The following CACTIN variants were observed in gnomAD, a reference collection of about 807,000 sequenced individuals.
The protein encoded by CACTIN is splicing factor Cactin.
A neutral mutation model predicts 84.9 loss-of-function variants in CACTIN; 20 were observed. The ratio of observed to expected loss-of-function variants is 0.24; its 90% confidence interval spans 0.17 to 0.34. The LOEUF (loss-of-function observed/expected upper bound fraction) is 0.34, where lower values mean the gene tolerates loss of function less well. CACTIN is among the 10% of genes least tolerant of loss of function. CACTIN has a pLI of 1.00. For missense variants in CACTIN, 897 were observed against 1,117.2 expected, an observed-to-expected ratio of 0.80 and a Z score of 2.81; for synonymous variants, 549 against 467.9, an observed-to-expected ratio of 1.17 and a Z score of -2.24.
rs2033169696 is a variant in CACTIN at position 3,619,181 on chromosome 19, T to A, written c.946A>T (p.Ser316Cys). The A allele has an allele frequency of 6.2e-7, 1 of 1,613,378 alleles. No homozygotes were observed. The highest frequency in any genetic ancestry group is 8.5e-7 in the Non-Finnish European group (1 of 1,179,722). The part of the protein sequence containing the change: ...KPIDLLAKYI[S>C]AEDDDLAVEM... Reference sequence around the variant, plus strand: ...ACGGCCAGATCGTCATCCTCAGCGCTGATGTACTTGGCCAGCAGGTCGATG... The same window carrying A: ...ACGGCCAGATCGTCATCCTCAGCGCAGATGTACTTGGCCAGCAGGTCGATG... Residue 316 changes from serine to cysteine, a missense_variant, in exon 5 of 10, where the codon AGC (serine) becomes TGC (cysteine). Physicochemically the swap from Ser to Cys is moderately radical, Grantham distance 112. This residue lies in a region of CACTIN where 304 missense variants were observed against 444.3 expected (regional missense o/e 0.68). Transcript: ENST00000429344.
rs1233194491 is a variant in CACTIN at position 3,626,655 on chromosome 19, G to T, written c.108C>A (p.Asn36Lys). 3 of 1,534,360 alleles carry T rather than the reference G, an allele frequency of 2.0e-6. No homozygotes were observed. In the South Asian group the frequency reaches 3.6e-5, roughly 19 times the overall value. Residue 36 changes from asparagine (N) to lysine (K), a missense_variant, in exon 1 of 10, where the codon AAC (asparagine) becomes AAA (lysine). Coordinates refer to ENST00000429344, the MANE Select transcript of CACTIN (RefSeq NM_001080543.2). ...GTCCCTCGTCCTCCCGGCGCCGTCG[G>T]TTTCGCCGCCCATGGCTCCTGCTCC... ...RSRSRSHGRR[N>K]RRRREDEGRR... is the part of the protein sequence containing the mutation.
chr19:3,612,942 G>T, intron 9 of CACTIN, 116 bp downstream of exon 9: 1 of 1,249,848 alleles, frequency 8.0e-7, no homozygotes, highest in Non-Finnish European at 1.1e-6. Flanking sequence ...CGGGGGAGAA[G>T]CAGCAAGCAG....
Position 3,612,428 on chromosome 19 carries a change from G to A in CACTIN, c.1787-15C>T. The A allele has an allele frequency of 1.3e-6, 2 of 1,567,898 alleles. No homozygotes were observed. Among genetic ancestry groups the A allele is most frequent in the Non-Finnish European group, 1.7e-6 (2 of 1,162,410 alleles). ...GCTGGCGTCTCCTGCGGGCGGGACG[G>A]CGTTCACCCGGGCCTCGGCCTCCCC... On this transcript the variant is annotated splice_polypyrimidine_tract_variant and intron_variant, in intron 9 of 9. Transcript: ENST00000429344.
rs773189592 is a variant in CACTIN, at chr19:3,620,758, C to T, written c.687G>A (p.Leu229=). 14 of 1,613,472 alleles carry T rather than the reference C, an allele frequency of 8.7e-6. No homozygotes were observed. In the East Asian group the frequency reaches 2.9e-4, roughly 33 times the overall value. The stretch of plus-strand genomic sequence containing the variant: ...CCTGGATCCTCTTGTTCCGCTCCTT[C>T]AGCTCCTTCTCCTCCAGGTGGCTGA... The part of the protein sequence containing the change: ...KGISHLEEKE[L]KERNKRIQED... Residue 229 remains leucine (L), a synonymous_variant, in exon 3 of 10, where the codon CTG becomes CTA. Coordinates refer to ENST00000429344, the MANE Select transcript of CACTIN (RefSeq NM_001080543.2).
chr19:3,622,406 A>AG (rs963902898), intron 2 of CACTIN, among the ~76,000 whole-genome samples: 7 of 148,658 alleles, frequency 4.7e-5, no homozygotes, highest in African/African-American at 1.7e-4. Context: ...TTGCAGACGT[A>AG]GGTAAGATGA....
At position 3,620,398 on chromosome 19, in the gene CACTIN, T is replaced by C. The variant is rs1022963207; in HGVS notation, c.739-126A>G. The C allele has an allele frequency of 1.4e-5, 16 of 1,112,406 alleles. No homozygotes were observed. The African/African-American group carries it at 2.5e-4, about 17-fold the overall frequency. The allele number at this position is 1,112,406 out of a possible 1,614,324, so 68.9% of individuals were successfully genotyped here. A position where few individuals can be genotyped will look rare whatever the true frequency, so the allele number is the denominator to read the frequency against. On this transcript the variant is annotated intron_variant, in intron 3 of 9. Transcript: ENST00000429344. ...CTGGGCACAGGGATTGGTCCGGAGATGCCTGGGCTGGTGGACAGACCTTGG... is the reference window on the plus strand; with the variant it reads ...CTGGGCACAGGGATTGGTCCGGAGACGCCTGGGCTGGTGGACAGACCTTGG...
At chr19:3,626,504 G>A (rs2033337023) in intron 1 of CACTIN, 92 bp downstream of exon 1, 3 of 1,223,508 alleles carry the variant, frequency 2.5e-6, no homozygotes, top group Non-Finnish European at 3.1e-6. Flanking sequence ...AGTAAGTCGG[G>A]GGTTTCCCGG....
chr19:3,620,418 C>T (rs971460644), intron 3 of CACTIN, 146 bp from the exon 4 acceptor site: 14 of 976,026 alleles, frequency 1.4e-5, no homozygotes, highest in Non-Finnish European at 2.0e-5. Context: ...GGTGGACAGA[C>T]CTTGGGAAGG....
At chr19:3,622,963 C>T (rs968457163) in intron 2 of CACTIN, among the ~76,000 whole-genome samples, 2 of 152,198 alleles carry the variant, frequency 1.3e-5, no homozygotes, top group African/African-American at 4.8e-5. Flanking sequence ...GGGCTGGGCG[C>T]AGTGGCTCAT....
intron 6 of CACTIN, chr19:3,616,669 A>G (rs1251560377): frequency 6.6e-6 from 1 of 152,152 alleles, no homozygotes; most frequent in African/African-American, 2.4e-5. Context: ...ACCTACAGAA[A>G]TAATAAAAAA....
intron 6 of CACTIN, among the ~76,000 whole-genome samples, chr19:3,618,183 G>GA (rs973423772): frequency 7.2e-6 from 1 of 138,138 alleles, no homozygotes; most frequent in Non-Finnish European, 1.5e-5. Flanking sequence ...AGACCGGGGG[G>GA]GGGGGGGGTC....
rs2032940452 is a variant in CACTIN at position 3,611,201 on chromosome 19, G to T, written c.*722C>A. 1 of 423,100 alleles carries T rather than the reference G, an allele frequency of 2.4e-6. No homozygotes were observed. Among genetic ancestry groups the T allele is most frequent in the Non-Finnish European group, 4.8e-6 (1 of 210,296 alleles). 26.2% of individuals were successfully genotyped at this position (423,100 alleles called of 1,614,324 possible). On this transcript the variant is annotated 3_prime_UTR_variant, in exon 10 of 10. Coordinates refer to ENST00000429344, the MANE Select transcript of CACTIN (RefSeq NM_001080543.2). ...TTTTGGTTCCCACGACCTTGACAGA[G>T]ACAGGGACCTCGACGCATCCTCCAT...
Position 3,612,805 on chromosome 19 carries a change from T to C in CACTIN, c.1786+253A>G, listed in dbSNP as rs1223507142. The C allele has an allele frequency of 2.0e-5, 14 of 704,362 alleles. No homozygotes were observed. In the Admixed American group the frequency reaches 2.8e-4, roughly 14 times the overall value. 43.6% of individuals were successfully genotyped at this position (704,362 alleles called of 1,614,324 possible). On this transcript the variant is annotated intron_variant, in intron 9 of 9. Coordinates refer to ENST00000429344, the MANE Select transcript of CACTIN (RefSeq NM_001080543.2). ...CTTAGGACGGAGGCTGCCCAGGGAG[T>C]GCTCGGACAGCGGCCGGTAAAAGCT... is the stretch of plus-strand genomic sequence containing the variant.
At position 3,612,264 on chromosome 19, in the gene CACTIN, A is replaced by C; in HGVS notation, c.1936T>G (p.Phe646Val). 6.2e-7 allele frequency: 1 copy of C among 1,613,232 alleles called. No individual in the cohort carries two copies. Among genetic ancestry groups the C allele is most frequent in the Non-Finnish European group, 8.5e-7 (1 of 1,179,906 alleles). The change falls in exon 10 of 10, where the codon TTC becomes GTC. Residue 646 changes from phenylalanine to valine, a missense_variant. Coordinates refer to ENST00000429344, the MANE Select transcript of CACTIN (RefSeq NM_001080543.2). The part of the protein sequence containing the change: ...DKYRPRKPRF[F>V]NRVHTGFEWN... ...TCGAAGCCCGTGTGCACGCGGTTGA[A>C]GAAGCGCGGCTTGCGTGGCCGGTAC...
At position 3,611,560 on chromosome 19, in the gene CACTIN, G is replaced by A; in HGVS notation, c.*363C>T. ...CCCTGTGTGGCCGCCACTTGGGGCA[G>A]GCCCTGTGGGCCCCACCCAGCCTGG... is the stretch of plus-strand genomic sequence containing the variant. On this transcript the variant is annotated 3_prime_UTR_variant, in exon 10 of 10. Transcript: ENST00000429344. The A allele has an allele frequency of 2.7e-6, 1 of 374,738 alleles. No homozygotes were observed. Among genetic ancestry groups the A allele is most frequent in the Non-Finnish European group, 5.2e-6 (1 of 193,926 alleles). The allele number at this position is 374,738 out of a possible 1,614,324, so 23.2% of individuals were successfully genotyped here. A position where few individuals can be genotyped will look rare whatever the true frequency, so the allele number is the denominator to read the frequency against.
chr19:3,624,043 C>A lies in CACTIN; in HGVS notation c.287G>T (p.Arg96Leu). The A allele has an allele frequency of 6.2e-7, 1 of 1,605,216 alleles. No individual in the cohort carries two copies. ...CCGTCGCCGGCGAGCCCACTGGCCCCGTGACTGCTCCTCTCCTGAGTCCGA... is the reference window on the plus strand; with the variant it reads ...CCGTCGCCGGCGAGCCCACTGGCCCAGTGACTGCTCCTCTCCTGAGTCCGA... ...SQSDSGEEQSRGQWARRRRRA... is the reference protein window; with the variant it reads ...SQSDSGEEQSLGQWARRRRRA... Residue 96 changes from arginine (R) to leucine (L), a missense_variant, in exon 2 of 10, where the codon CGG becomes CTG. Around this residue, in one of 8 missense-constraint regions of CACTIN, gnomAD observed 261 missense variants for 243.8 expected, o/e 1.07. Coordinates refer to ENST00000429344, the MANE Select transcript of CACTIN (RefSeq NM_001080543.2).
chr19:3,623,094 G>C (rs896587846), intron 2 of CACTIN, among the ~76,000 whole-genome samples: 2 of 152,134 alleles, frequency 1.3e-5, no homozygotes, highest in Admixed American at 6.6e-5. Flanking sequence ...AAATTAGCCG[G>C]GCATGGTGGT....
At position 3,620,150 on chromosome 19, in the gene CACTIN, G is replaced by A; in HGVS notation, c.861C>T (p.Phe287=). ...FKTWEEQEDN[F]HLQQAKLRSK... Reference sequence around the variant, plus strand: ...ACCGCAGCTTGGCCTGCTGGAGGTGGAAGTTGTCCTCCTGCTCCTCCCATG... The same window carrying A: ...ACCGCAGCTTGGCCTGCTGGAGGTGAAAGTTGTCCTCCTGCTCCTCCCATG... Residue 287 remains phenylalanine, a synonymous_variant, in exon 4 of 10, where the codon TTC becomes TTT. Transcript: ENST00000429344. 5.0e-6 allele frequency: 8 copies of A among 1,611,730 alleles called. No homozygotes were observed. Among genetic ancestry groups the A allele is most frequent in the East Asian group, 2.2e-5 (1 of 44,874 alleles).
Position 3,613,290 on chromosome 19 carries a change from G to A in CACTIN, c.1554C>T (p.Asp518=). ...SEGGPAEAEV[D]GATPTEGDGD... The stretch of plus-strand genomic sequence containing the variant: ...CGTCGCCCTCTGTCGGGGTCGCGCC[G>A]TCCACCTCGGCCTCCGCGGGGCCGC... The change falls in exon 9 of 10, where the codon GAC becomes GAT. Residue 518 remains aspartate (D), a synonymous_variant. Coordinates refer to ENST00000429344, the MANE Select transcript of CACTIN (RefSeq NM_001080543.2). 1.2e-6 allele frequency: 2 copies of A among 1,601,492 alleles called. No homozygotes were observed. The highest frequency in any genetic ancestry group is 8.5e-7 in the Non-Finnish European group (1 of 1,177,008).
Sources: allele counts gnomAD v4.1 joint callset (sites outside exome capture counted in the v4.1 genomes callset), GRCh38; gene constraint gnomAD v4.1.1; regional missense constraint gnomAD v4.1.1; transcripts MANE v1.5; gene names NCBI Gene and HGNC (gene_info 2026-07-23, HGNC 2026-07-21).